Variants in SYN3 observed in about 807,000 individuals in gnomAD.
SYN3 encodes the protein synapsin-3.
A neutral mutation model predicts 65.8 loss-of-function variants in SYN3; 35 were observed. That is an observed-to-expected ratio of 0.53 (90% confidence interval 0.41 to 0.70). SYN3 has a LOEUF of 0.70. Among genes scored for constraint, SYN3 ranks in the 30% least tolerant of loss-of-function variants. The pLI, the probability that SYN3 is intolerant of heterozygous loss-of-function variation, is 0.00. For synonymous variants in SYN3, 270 were observed against 292.9 expected (o/e 0.92, Z 0.80); for missense variants, 680 against 749.0 (o/e 0.91, Z 1.08).
At chr22:32,876,005 C>T (rs2048972289) in intron 4 of SYN3, among the ~76,000 whole-genome samples, 1 of 152,190 alleles carries the variant, frequency 6.6e-6, no homozygotes, top group Non-Finnish European at 1.5e-5. Context: ...CCATGCATGG[C>T]CCCATTCCCC....
At chr22:32,668,880 G>C (rs1378278882) in intron 6 of SYN3, among the ~76,000 whole-genome samples, 1 of 152,158 alleles carries the variant, frequency 6.6e-6, no homozygotes, top group African/African-American at 2.4e-5. Context: ...GTGGGCCCAG[G>C]CTCATGGTGC....
At chr22:32,673,482 A>G (rs2060399926) in intron 6 of SYN3, among the ~76,000 whole-genome samples, 1 of 152,312 alleles carries the variant, frequency 6.6e-6, no homozygotes, top group South Asian at 2.1e-4. Flanking sequence ...ACAATAAACA[A>G]AAGATTTCAA....
At chr22:32,691,141 C>A (rs1212044241) in intron 6 of SYN3, among the ~76,000 whole-genome samples, 1 of 152,178 alleles carries the variant, frequency 6.6e-6, no homozygotes, top group Non-Finnish European at 1.5e-5. Flanking sequence ...CCTCCCACTC[C>A]TGCAGTCTCA....
chr22:33,013,077 G>A (rs2053388334), intron 1 of SYN3, among the ~76,000 whole-genome samples: 1 of 152,174 alleles, frequency 6.6e-6, no homozygotes, highest in Non-Finnish European at 1.5e-5. Context: ...AAGTTAAAAT[G>A]TTAGGGTTGA....
intron 7 of SYN3, among the ~76,000 whole-genome samples, chr22:32,588,186 T>C (rs2059078052): frequency 6.6e-6 from 1 of 152,198 alleles, no homozygotes; most frequent in Non-Finnish European, 1.5e-5. Context: ...GCTGAACGAT[T>C]TCAAAGGCCT....
intron 6 of SYN3, among the ~76,000 whole-genome samples, chr22:32,742,929 T>A (rs543779315): frequency 1.3e-4 from 20 of 152,324 alleles, no homozygotes; most frequent in South Asian, 8.3e-4. Context: ...GCTCATTAAA[T>A]CCTCACTAAG....
chr22:32,876,842 G>C (rs1391944656), intron 4 of SYN3, among the ~76,000 whole-genome samples: 1 of 152,204 alleles, frequency 6.6e-6, no homozygotes, highest in Non-Finnish European at 1.5e-5. Context: ...CAGGTGGCAG[G>C]TGATTTCTCT....
chr22:32,783,237 G>A (rs3788507), intron 6 of SYN3: 18,689 of 152,182 alleles, frequency 0.12, 1,457 homozygotes, highest in East Asian at 0.4. Flanking sequence ...CCTTGAAACA[G>A]GTGAGTATGA....
At chr22:32,610,284 G>GC (rs201871282) in intron 6 of SYN3, among the ~76,000 whole-genome samples, 6,109 of 151,008 alleles carry the variant, frequency 0.04, 408 homozygotes, top group African/African-American at 0.14. Context: ...CTGTCCCCCT[G>GC]CCCCCCCCAA....
chr22:33,027,300 A>G (rs1222960918), intron 1 of SYN3, among the ~76,000 whole-genome samples: 1 of 152,160 alleles, frequency 6.6e-6, no homozygotes, highest in Non-Finnish European at 1.5e-5. Context: ...TTAAACAAAC[A>G]AAATGAAAAC....
chr22:32,563,556 G>T (rs1019332734), intron 7 of SYN3, among the ~76,000 whole-genome samples: 1 of 152,190 alleles, frequency 6.6e-6, no homozygotes, highest in African/African-American at 2.4e-5. Flanking sequence ...ATTGGAGAGT[G>T]GTTGGGTGTG....
chr22:32,788,586 AACT>A (rs1272768926), intron 6 of SYN3, among the ~76,000 whole-genome samples: 3 of 152,202 alleles, frequency 2.0e-5, no homozygotes, highest in Non-Finnish European at 2.9e-5. Flanking sequence ...ACAGTATAAC[AACT>A]ACTTAGTATT....
At chr22:32,733,501 C>A (rs1352300163) in intron 6 of SYN3, among the ~76,000 whole-genome samples, 1 of 152,202 alleles carries the variant, frequency 6.6e-6, no homozygotes, top group Non-Finnish European at 1.5e-5. Flanking sequence ...GCTGTCTGAG[C>A]CCAGGAGAGT....
At chr22:32,782,213 C>T (rs1362273191) in intron 6 of SYN3, among the ~76,000 whole-genome samples, 60 of 151,962 alleles carry the variant, frequency 3.9e-4, no homozygotes, top group East Asian at 5.8e-4. Context: ...GGATTACAGG[C>T]GGGTGCCACC....
At chr22:32,685,075 C>T (rs1371690664) in intron 6 of SYN3, among the ~76,000 whole-genome samples, 2 of 152,146 alleles carry the variant, frequency 1.3e-5, no homozygotes, top group African/African-American at 4.8e-5. Context: ...CACACTACAG[C>T]AGCGGAGCCA....
At chr22:32,837,000 G>A (rs935478782) in intron 6 of SYN3, among the ~76,000 whole-genome samples, 48 of 152,330 alleles carry the variant, frequency 3.2e-4, no homozygotes, top group African/African-American at 1.1e-3. Context: ...GGCGTGCAAA[G>A]GAGGGTGGTT....
intron 7 of SYN3, among the ~76,000 whole-genome samples, chr22:32,575,121 T>G (rs1426041949): frequency 1.3e-5 from 2 of 152,138 alleles, no homozygotes; most frequent in Non-Finnish European, 2.9e-5. Context: ...CCCGGCTGGG[T>G]GGGTCTCTAG....
Position 32,518,264 on chromosome 22 carries a change from T to A in SYN3, c.1389A>T (p.Pro463=), listed in dbSNP as rs1441990671. ...SGSPSQQRLS[P]QGQQPLSPQS... ...GGGGGCTCAGGGGCTGCTGGCCTTGTGGGGAGAGCCTCTGTTGGGAGGGGC... is the reference window on the plus strand; with the variant it reads ...GGGGGCTCAGGGGCTGCTGGCCTTGAGGGGAGAGCCTCTGTTGGGAGGGGC... The change falls in exon 13 of 14, where the codon CCA becomes CCT. Residue 463 remains proline (P), a synonymous_variant. Transcript: ENST00000358763. 6.2e-7 allele frequency: 1 copy of A among 1,612,668 alleles called. No homozygotes were observed. Among genetic ancestry groups the A allele is most frequent in the Non-Finnish European group, 8.5e-7 (1 of 1,179,310 alleles).
At chr22:32,603,704 C>CA (rs1483563057) in intron 6 of SYN3, among the ~76,000 whole-genome samples, 2 of 152,180 alleles carry the variant, frequency 1.3e-5, no homozygotes, top group Admixed American at 1.3e-4. Flanking sequence ...TCCCCAAACA[C>CA]AGACAGGTCA....
Sources: gnomAD v4.1 joint callset for allele counts (sites outside exome capture counted in the v4.1 genomes callset) on GRCh38, gnomAD v4.1.1 for gene constraint, MANE v1.5 for transcripts, NCBI Gene and HGNC (gene_info 2026-07-23, HGNC 2026-07-21) for gene names.